Variants in NXPH1 observed in about 807,000 individuals in gnomAD.
The protein encoded by NXPH1 is neurexophilin-1.
A neutral mutation model predicts 23.7 loss-of-function variants in NXPH1; 5 were observed. That is an observed-to-expected ratio of 0.21 (90% CI 0.11 to 0.44). The LOEUF (loss-of-function observed/expected upper bound fraction) is 0.44, where lower values mean the gene tolerates loss of function less well. Ranked by LOEUF, NXPH1 falls within the 20% of genes least tolerant of loss-of-function variation. NXPH1 has a pLI of 0.99. For missense variants in NXPH1, 324 were observed against 321.6 expected (o/e 1.01, Z -0.06); for synonymous variants, 144 against 122.2 (o/e 1.18, Z -1.18).
chr7:8,538,393 C>T (rs1391475122), intron 2 of NXPH1, among the ~76,000 whole-genome samples: 15 of 151,730 alleles, frequency 9.9e-5, no homozygotes, highest in Non-Finnish European at 1.9e-4. Context: ...ATGAACATAC[C>T]TTAGGGGTAG....
chr7:8,559,454 T>C (rs1437262252), intron 2 of NXPH1, among the ~76,000 whole-genome samples: 1 of 151,748 alleles, frequency 6.6e-6, no homozygotes, highest in East Asian at 2.0e-4. Context: ...AAACTCATTA[T>C]TTGGATGCCC....
chr7:8,440,073 A>G (rs1017882738), intron 2 of NXPH1, among the ~76,000 whole-genome samples: 2 of 152,230 alleles, frequency 1.3e-5, no homozygotes, highest in African/African-American at 4.8e-5. Context: ...TGACTCTTCT[A>G]CTACAGACCA....
At chr7:8,623,952 T>A (rs1293144156) in intron 2 of NXPH1, among the ~76,000 whole-genome samples, 3 of 152,174 alleles carry the variant, frequency 2.0e-5, no homozygotes, top group East Asian at 1.9e-4. Context: ...TGTTAAAAAA[T>A]TTTTGAATCT....
chr7:8,498,103 A>G (rs1215181483), intron 2 of NXPH1, among the ~76,000 whole-genome samples: 1 of 152,126 alleles, frequency 6.6e-6, no homozygotes, highest in African/African-American at 2.4e-5. Context: ...AAATGAGCTA[A>G]TATCTGTGAA....
chr7:8,529,301 C>A (rs778569424), intron 2 of NXPH1, among the ~76,000 whole-genome samples: 35 of 152,312 alleles, frequency 2.3e-4, no homozygotes, highest in Middle Eastern at 3.4e-3. Flanking sequence ...TGTAAAGTGA[C>A]GTAGTCATAG....
intron 2 of NXPH1, among the ~76,000 whole-genome samples, chr7:8,464,680 C>A (rs1451488130): frequency 1.3e-5 from 2 of 151,912 alleles, no homozygotes; most frequent in African/African-American, 4.8e-5. Context: ...AAATCTAGGA[C>A]AATAAAGGTG....
At chr7:8,485,696 C>T (rs17149610) in intron 2 of NXPH1, among the ~76,000 whole-genome samples, 16,260 of 151,746 alleles carry the variant, frequency 0.11, 1,764 homozygotes, top group African/African-American at 0.29. Context: ...AAGTTCTTTG[C>T]AGTCTAAATA....
chr7:8,514,334 A>T (rs1251376424), intron 2 of NXPH1, among the ~76,000 whole-genome samples: 1 of 152,160 alleles, frequency 6.6e-6, no homozygotes, highest in Non-Finnish European at 1.5e-5. Flanking sequence ...TATTTGGGAA[A>T]CGTACAAGTT....
intron 2 of NXPH1, among the ~76,000 whole-genome samples, chr7:8,548,258 A>G (rs1012889036): frequency 1.3e-5 from 2 of 151,556 alleles, no homozygotes; most frequent in Admixed American, 6.6e-5. Context: ...ATGCTCCTCA[A>G]TGAGCACTAC....
chr7:8,586,343 GAGTTT>G (rs989995728), intron 2 of NXPH1, among the ~76,000 whole-genome samples: 3 of 152,048 alleles, frequency 2.0e-5, no homozygotes, highest in African/African-American at 7.2e-5. Context: ...AAAGAGTAGG[GAGTTT>G]AGTATGGAAT....
intron 2 of NXPH1, among the ~76,000 whole-genome samples, chr7:8,716,538 G>T (rs891750628): frequency 1.3e-5 from 2 of 152,084 alleles, no homozygotes; most frequent in African/African-American, 4.8e-5. Context: ...TAATTCAAAA[G>T]AATTCCACCT....
At chr7:8,481,374 T>C (rs1410384073) in intron 2 of NXPH1, among the ~76,000 whole-genome samples, 1 of 152,152 alleles carries the variant, frequency 6.6e-6, no homozygotes, top group African/African-American at 2.4e-5. Context: ...TAGAAAAATC[T>C]TGGGAAAGAA....
intron 2 of NXPH1, among the ~76,000 whole-genome samples, chr7:8,566,546 A>C (rs1203565521): frequency 6.6e-6 from 1 of 151,672 alleles, no homozygotes; most frequent in Non-Finnish European, 1.5e-5. Context: ...AAACAGAAGA[A>C]AGGCAAATTG....
chr7:8,658,053 G>A (rs1820609829), intron 2 of NXPH1, among the ~76,000 whole-genome samples: 1 of 152,100 alleles, frequency 6.6e-6, no homozygotes, highest in East Asian at 1.9e-4. Flanking sequence ...AAAAATAAAA[G>A]CAACACTGTT....
intron 2 of NXPH1, among the ~76,000 whole-genome samples, chr7:8,640,265 A>G (rs1820286043): frequency 6.6e-6 from 1 of 151,978 alleles, no homozygotes; most frequent in Non-Finnish European, 1.5e-5. Context: ...GTTTTAAAAA[A>G]TGTTTAGTGA....
At chr7:8,467,157 T>C (rs1584174302) in intron 2 of NXPH1, among the ~76,000 whole-genome samples, 2 of 152,334 alleles carry the variant, frequency 1.3e-5, no homozygotes, top group African/African-American at 2.4e-5. Context: ...TTCTTTTTTA[T>C]ATGAAAGTCC....
At chr7:8,683,738 T>C (rs1583229248) in intron 2 of NXPH1, among the ~76,000 whole-genome samples, 1 of 152,332 alleles carries the variant, frequency 6.6e-6, no homozygotes, top group East Asian at 1.9e-4. Context: ...TAATTTTTTT[T>C]GTTCTAGATC....
intron 2 of NXPH1, among the ~76,000 whole-genome samples, chr7:8,487,015 C>G (rs983123693): frequency 6.6e-6 from 1 of 152,058 alleles, no homozygotes; most frequent in Admixed American, 6.6e-5. Context: ...CATATAAGAA[C>G]AAGAACCTAT....
Position 8,659,031 on chromosome 7 carries a change from A to G in NXPH1, c.55-91977A>G, listed in dbSNP as rs1308403416. On this transcript the variant is annotated intron_variant, in intron 2 of 2. Coordinates refer to ENST00000405863, the MANE Select transcript of NXPH1 (RefSeq NM_152745.3). The stretch of plus-strand genomic sequence containing the variant: ...TTTTTTTTTTTTTTTGCTAAAACAG[A>G]AAAAGTATAAGGTGAATGCCCCAGC... Among the ~76,000 whole-genome samples, 3 of 21,548 alleles carry G rather than the reference A, an allele frequency of 1.4e-4. 1 individual carries two copies. The highest frequency in any genetic ancestry group is 5.1e-4 in the Non-Finnish European group (3 of 5,840). The allele number at this position is 21,548 out of a possible 152,430, so 14.1% of individuals were successfully genotyped here. A position where few individuals can be genotyped will look rare whatever the true frequency, so the allele number is the denominator to read the frequency against.
Sources: gnomAD v4.1 joint callset for allele counts (sites outside exome capture counted in the v4.1 genomes callset) on GRCh38, gnomAD v4.1.1 for gene constraint, MANE v1.5 for transcripts, NCBI Gene and HGNC (gene_info 2026-07-23, HGNC 2026-07-21) for gene names.